STK11IP: variants seen among roughly 807,000 people sequenced by gnomAD.
STK11IP encodes serine/threonine kinase 11 interacting protein.
STK11IP carries 103 observed loss-of-function variants against 131.7 expected under a neutral mutation model. That is an observed-to-expected ratio of 0.78 (90% CI 0.67 to 0.92). The LOEUF (loss-of-function observed/expected upper bound fraction) is 0.92. Ranked by LOEUF, STK11IP falls within the 40% of genes least tolerant of loss-of-function variation. STK11IP has a pLI of 0.00. For missense variants in STK11IP, 1,315 were observed against 1,385.7 expected (o/e 0.95, Z 0.81); for synonymous variants, 557 against 575.6 (o/e 0.97, Z 0.46).
chr2:219,608,548 C>T (rs1410232832), intron 14 of STK11IP, 35 bp from the exon 15 acceptor site: 5 of 1,551,524 alleles, frequency 3.2e-6, no homozygotes, highest in African/African-American at 2.7e-5. Context: ...GGTACTTTCC[C>T]TCCCTGCAGG....
Position 219,611,734 on chromosome 2 carries a change from C to G in STK11IP, c.2235C>G (p.Val745=), listed in dbSNP as rs1467420870. Reference sequence around the variant, plus strand: ...CTCCTTCTCCGTCTGCCAGCCCTGTCTGCCACCCTCCTGGCCATGGTGACC... The same window carrying G: ...CTCCTTCTCCGTCTGCCAGCCCTGTGTGCCACCCTCCTGGCCATGGTGACC... The part of the protein sequence containing the change: ...SLAPSPSASP[V]CHPPGHGDHL... Residue 745 remains valine, a synonymous_variant, in exon 18 of 25, where the codon GTC becomes GTG. Transcript: ENST00000456909. 4 of 1,613,104 alleles carry G rather than the reference C, an allele frequency of 2.5e-6. No individual in the cohort carries two copies. The highest frequency in any genetic ancestry group is 2.5e-6 in the Non-Finnish European group (3 of 1,179,872).
chr2:219,602,674 C>G (rs750547673), intron 6 of STK11IP, 31 bp from the exon 7 acceptor site: 3 of 1,612,886 alleles, frequency 1.9e-6, no homozygotes, highest in South Asian at 2.2e-5. Flanking sequence ...TAGTGAACAT[C>G]GATTCTCTGC....
chr2:219,598,831 T>G (rs972830507), intron 2 of STK11IP, among the ~76,000 whole-genome samples: 5 of 152,242 alleles, frequency 3.3e-5, no homozygotes, highest in African/African-American at 1.2e-4. Context: ...AGAAAAAGCC[T>G]TGGCTTTGAG....
chr2:219,611,638 C>A lies in STK11IP; in HGVS notation c.2139C>A (p.Asp713Glu), dbSNP rs1698398758. The A allele has an allele frequency of 1.2e-6, 2 of 1,613,030 alleles. No homozygotes were observed. The highest frequency in any genetic ancestry group is 1.7e-6 in the Non-Finnish European group (2 of 1,179,864). The change falls in exon 18 of 25, where the codon GAC (aspartate) becomes GAA (glutamate). Residue 713 changes from aspartate to glutamate, a missense_variant. Asp to Glu is a conservative substitution (Grantham distance 45). Transcript: ENST00000456909. ...SPAVCPNCGS[D>E]HVVLLAVSRG... is the part of the protein sequence containing the mutation. ...CTGTGTGTCCTAACTGTGGTAGTGACCACGTGGTTCTCCTCGCTGTGTCTC... is the reference window on the plus strand; with the variant it reads ...CTGTGTGTCCTAACTGTGGTAGTGAACACGTGGTTCTCCTCGCTGTGTCTC...
chr2:219,598,040 C>CT (rs1362836178), intron 1 of STK11IP, 54 bp from the exon 2 acceptor site: 1 of 1,566,230 alleles, frequency 6.4e-7, no homozygotes, highest in Non-Finnish European at 8.7e-7. Flanking sequence ...ACGCCCTGGG[C>CT]TTTTGGCACT....
rs779398927 is a variant in STK11IP, at chr2:219,606,078, AG to A, written c.849+23del. ...CCGCAAGGTGAGATGGGAATGCATC[AG>A]GGGCCTGGGAACCACCCTTGCACGT... On this transcript the variant is annotated intron_variant, in intron 9 of 24. Coordinates refer to ENST00000456909, the MANE Select transcript of STK11IP (RefSeq NM_052902.4). The A allele has an allele frequency of 2.5e-5, 39 of 1,579,818 alleles. No homozygotes were observed. Among genetic ancestry groups the A allele is most frequent in the Non-Finnish European group, 3.4e-5 (39 of 1,161,718 alleles).
chr2:219,608,321 A>AGAGGAGAAG lies in STK11IP; in HGVS notation c.1499_1507dup (p.Glu500_Glu502dup). The AGAGGAGAAG allele has an allele frequency of 6.2e-7, 1 of 1,604,404 alleles. No homozygotes were observed. The highest frequency in any genetic ancestry group is 8.5e-7 in the Non-Finnish European group (1 of 1,175,584). On this transcript the variant is annotated inframe_insertion, in exon 14 of 25. Coordinates refer to ENST00000456909, the MANE Select transcript of STK11IP (RefSeq NM_052902.4). ...TCAGGGCGGAGCCACAGGAGGAGGA[A>AGAGGAGAAG]GAGGAGAAGGAGGGGAAGGAGGAGA...
Position 219,613,740 on chromosome 2 carries a change from C to T in STK11IP, c.2538-12C>T. On this transcript the variant is annotated splice_polypyrimidine_tract_variant and intron_variant, in intron 20 of 24. Transcript: ENST00000456909. ...TCATGCTTCTCCATTGCTCTGTCCC[C>T]TCTCTCCACAGTGAGCCTCCAGCTA... is the stretch of plus-strand genomic sequence containing the variant. 1 of 1,612,240 alleles carries T rather than the reference C, an allele frequency of 6.2e-7. No individual in the cohort carries two copies. The highest frequency in any genetic ancestry group is 8.5e-7 in the Non-Finnish European group (1 of 1,179,570).
At chr2:219,600,849 C>T (rs1258642405) in intron 2 of STK11IP, among the ~76,000 whole-genome samples, 2 of 152,194 alleles carry the variant, frequency 1.3e-5, no homozygotes, top group African/African-American at 4.8e-5. Flanking sequence ...CTTGAGGCGG[C>T]TTCCTGGAGG....
chr2:219,614,887 TG>T, intron 23 of STK11IP: 1 of 644,066 alleles, frequency 1.6e-6, no homozygotes, highest in Admixed American at 2.9e-5. Context: ...TGTGGGGCAG[TG>T]GGGGGCGGTA....
In STK11IP at chr2:219,606,229, C is replaced by T. The variant is rs569794444; in HGVS notation, c.884C>T (p.Pro295Leu). ...GAGGGGAACCCTCTTTGGTTCCACCCTGAGCACCGAGCAGCCACTGCCCAG... is the reference window on the plus strand; with the variant it reads ...GAGGGGAACCCTCTTTGGTTCCACCTTGAGCACCGAGCAGCCACTGCCCAG... Reference protein sequence around the residue: ...YLEGNPLWFHPEHRAATAQYL... With the variant: ...YLEGNPLWFHLEHRAATAQYL... The change falls in exon 10 of 25, where the codon CCT becomes CTT. Residue 295 changes from proline (P) to leucine (L), a missense_variant. Pro to Leu is a moderately conservative substitution (Grantham distance 98, BLOSUM62 -3). Coordinates refer to ENST00000456909, the MANE Select transcript of STK11IP (RefSeq NM_052902.4). 1.3e-6 allele frequency: 2 copies of T among 1,571,742 alleles called. No individual in the cohort carries two copies. The highest frequency in any genetic ancestry group is 2.7e-5 in the African/African-American group (2 of 73,902).
intron 2 of STK11IP, among the ~76,000 whole-genome samples, chr2:219,600,053 GTTTTTGTTTT>G (rs1428849407): frequency 2.4e-4 from 24 of 101,622 alleles, no homozygotes; most frequent in African/African-American, 1.0e-3. Context: ...TTTTTTTTTT[GTTTTTGTTTT>G]TTTTTTTTTT....
At chr2:219,602,601 T>C (rs749654022) in intron 6 of STK11IP, 26 bp downstream of exon 6, 1 of 1,612,888 alleles carries the variant, frequency 6.2e-7, no homozygotes, top group South Asian at 1.1e-5. Flanking sequence ...GGAAGAGGGT[T>C]TCGAGGAAGG....
chr2:219,602,804 A>C (rs755296634), intron 7 of STK11IP, 28 bp downstream of exon 7: 1 of 1,594,336 alleles, frequency 6.3e-7, no homozygotes, highest in Admixed American at 1.7e-5. Flanking sequence ...GGCAGCTGGC[A>C]CACCATGGGT....
Position 219,613,923 on chromosome 2 carries a change from G to A in STK11IP, c.2709G>A (p.Glu903=). The A allele has an allele frequency of 6.3e-7, 1 of 1,583,568 alleles. No individual in the cohort carries two copies. The highest frequency in any genetic ancestry group is 8.6e-7 in the Non-Finnish European group (1 of 1,162,134). Residue 903 remains glutamate (E), a synonymous_variant, in exon 21 of 25, where the codon GAG becomes GAA. Coordinates refer to ENST00000456909, the MANE Select transcript of STK11IP (RefSeq NM_052902.4). ...DARHCRAFLE[E]LLDVLQSLPP... is the part of the protein sequence containing the mutation. ...GGCATTGCCGGGCCTTCCTAGAGGAGCTCCTTGGTGAGAGAGGGGAGGGGA... is the reference window on the plus strand; with the variant it reads ...GGCATTGCCGGGCCTTCCTAGAGGAACTCCTTGGTGAGAGAGGGGAGGGGA...
intron 19 of STK11IP, chr2:219,612,903 ACAGG>A (rs999145893): frequency 1.3e-5 from 7 of 532,806 alleles, no homozygotes; most frequent in Non-Finnish European, 2.0e-5. Flanking sequence ...GGGTGAGGCG[ACAGG>A]CAGGGAAGCC....
At chr2:219,601,942 T>A (rs1559176670) in intron 4 of STK11IP, 46 bp from the exon 5 acceptor site, 1 of 1,523,586 alleles carries the variant, frequency 6.6e-7, no homozygotes, top group Non-Finnish European at 9.0e-7. Context: ...GAGGTCTTTG[T>A]CTTCTGTGGG....
intron 2 of STK11IP, among the ~76,000 whole-genome samples, chr2:219,599,617 TAGC>T (rs1490632349): frequency 6.6e-6 from 1 of 152,206 alleles, no homozygotes; most frequent in Non-Finnish European, 1.5e-5. Flanking sequence ...TACAAGGAGG[TAGC>T]AGGAGAAGAG....
chr2:219,613,963 G>A (rs768061881), intron 21 of STK11IP, 33 bp downstream of exon 21: 3 of 514,764 alleles, frequency 5.8e-6, no homozygotes, highest in Admixed American at 2.4e-5. Flanking sequence ...AGGAGGGTGG[G>A]CAGGAGGGTG....
Sources: gnomAD v4.1 joint callset for allele counts (sites outside exome capture counted in the v4.1 genomes callset) on GRCh38, gnomAD v4.1.1 for gene constraint, MANE v1.5 for transcripts, NCBI Gene and HGNC (gene_info 2026-07-23, HGNC 2026-07-21) for gene names.